The following PARVA variants were observed in gnomAD, a reference collection of about 807,000 sequenced individuals.
The protein encoded by PARVA is alpha-parvin.
In PARVA, 25 loss-of-function variants were observed where a neutral mutation model predicts 52.6. The observed-to-expected ratio is 0.48, with a 90% CI of 0.35 to 0.66. PARVA has a LOEUF of 0.66. Among genes scored for constraint, PARVA ranks in the 30% least tolerant of loss-of-function variants. The pLI is 0.01. For synonymous variants in PARVA, 185 were observed against 179.1 expected (o/e 1.03, Z -0.26); for missense variants, 373 against 450.9 (o/e 0.83, Z 1.56).
At chr11:12,522,273 G>A (rs919229927) in intron 12 of PARVA, among the ~76,000 whole-genome samples, 1 of 152,074 alleles carries the variant, frequency 6.6e-6, no homozygotes, top group Non-Finnish European at 1.5e-5. Context: ...AGAAGTCAGG[G>A]CAGGAACTTC....
intron 1 of PARVA, among the ~76,000 whole-genome samples, chr11:12,378,534 T>G (rs1411963385): frequency 6.6e-6 from 1 of 151,572 alleles, no homozygotes; most frequent in Non-Finnish European, 1.5e-5. Flanking sequence ...GTAAAAACCT[T>G]TGTTTTTTCC....
intron 1 of PARVA, chr11:12,452,630 C>T (rs1940638789): frequency 6.2e-6 from 1 of 160,004 alleles, no homozygotes; most frequent in Non-Finnish European, 1.4e-5. Flanking sequence ...CAGTAGCCCC[C>T]AGCATTTGAG....
intron 1 of PARVA, among the ~76,000 whole-genome samples, chr11:12,432,654 A>C (rs926179244): frequency 3.9e-5 from 6 of 152,242 alleles, no homozygotes; most frequent in African/African-American, 1.2e-4. Flanking sequence ...GGCCTGTGCA[A>C]GTTAAAGTAA....
chr11:12,466,725 T>C (rs2135029057), intron 1 of PARVA, among the ~76,000 whole-genome samples: 1 of 152,314 alleles, frequency 6.6e-6, no homozygotes, highest in South Asian at 2.1e-4. Flanking sequence ...CTGTTTTTTT[T>C]TTCTAGAAGT....
intron 1 of PARVA, among the ~76,000 whole-genome samples, chr11:12,435,976 CCA>C (rs1940382222): frequency 6.6e-6 from 1 of 152,092 alleles, no homozygotes; most frequent in South Asian, 2.1e-4. Context: ...GCGCGTACCA[CCA>C]CACACAGCTA....
At chr11:12,388,246 G>A (rs1939607224) in intron 1 of PARVA, among the ~76,000 whole-genome samples, 2 of 152,204 alleles carry the variant, frequency 1.3e-5, no homozygotes, top group Non-Finnish European at 2.9e-5. Context: ...TCAGGCCTGG[G>A]ACAAATGTTA....
At chr11:12,413,717 C>A (rs1940024894) in intron 1 of PARVA, among the ~76,000 whole-genome samples, 2 of 152,202 alleles carry the variant, frequency 1.3e-5, no homozygotes, top group South Asian at 4.1e-4. Flanking sequence ...AGGGAGCTGG[C>A]ACAGGCGGCT....
intron 1 of PARVA, among the ~76,000 whole-genome samples, chr11:12,442,118 A>G (rs1490178495): frequency 6.6e-6 from 1 of 152,270 alleles, no homozygotes; most frequent in Non-Finnish European, 1.5e-5. Context: ...GCAGGAAGCC[A>G]TCAGCTCTAC....
At chr11:12,436,526 C>G (rs1290925710) in intron 1 of PARVA, among the ~76,000 whole-genome samples, 1 of 152,004 alleles carries the variant, frequency 6.6e-6, no homozygotes, top group Non-Finnish European at 1.5e-5. Flanking sequence ...TTTTGGCTGC[C>G]TGTATAAAGT....
chr11:12,511,675 T>C (rs1238889537), intron 8 of PARVA, 142 bp downstream of exon 8: 27 of 835,484 alleles, frequency 3.2e-5, no homozygotes, highest in Non-Finnish European at 3.4e-5. Context: ...CCAATTGGGT[T>C]GGGAGGGACA....
chr11:12,386,596 AAC>A (rs776455320), intron 1 of PARVA, among the ~76,000 whole-genome samples: 4 of 152,184 alleles, frequency 2.6e-5, no homozygotes, highest in Non-Finnish European at 5.9e-5. Flanking sequence ...AATATCATCA[AAC>A]ACACAGTTAT....
chr11:12,506,599 T>C (rs1488638667), intron 6 of PARVA, among the ~76,000 whole-genome samples: 1 of 152,246 alleles, frequency 6.6e-6, no homozygotes, highest in Non-Finnish European at 1.5e-5. Context: ...TTGAGCTCAA[T>C]TATAGGCCAT....
chr11:12,383,892 C>T (rs770527996), intron 1 of PARVA, among the ~76,000 whole-genome samples: 4 of 152,202 alleles, frequency 2.6e-5, no homozygotes, highest in African/African-American at 4.8e-5. Context: ...TCAAGGGGCA[C>T]GCCTTGAACA....
intron 1 of PARVA, among the ~76,000 whole-genome samples, chr11:12,387,462 C>T (rs1939588719): frequency 6.6e-6 from 1 of 152,124 alleles, no homozygotes; most frequent in Non-Finnish European, 1.5e-5. Flanking sequence ...ATCTTATTCC[C>T]ATAGAGGGAG....
At chr11:12,465,727 C>T (rs1021046664) in intron 1 of PARVA, among the ~76,000 whole-genome samples, 1 of 152,170 alleles carries the variant, frequency 6.6e-6, no homozygotes, top group African/African-American at 2.4e-5. Flanking sequence ...TAATAATTTT[C>T]ATATAGATGT....
intron 1 of PARVA, among the ~76,000 whole-genome samples, chr11:12,395,631 A>G (rs1162642501): frequency 1.3e-5 from 2 of 152,196 alleles, no homozygotes; most frequent in Non-Finnish European, 1.5e-5. Flanking sequence ...TCCCAGCTGC[A>G]TGTTAATTAA....
chr11:12,436,810 A>G (rs1199792595), intron 1 of PARVA, among the ~76,000 whole-genome samples: 1 of 152,244 alleles, frequency 6.6e-6, no homozygotes, highest in Non-Finnish European at 1.5e-5. Context: ...CTATTTCAAA[A>G]GAAAAAATGA....
intron 4 of PARVA, among the ~76,000 whole-genome samples, chr11:12,494,619 A>G (rs1941273967): frequency 6.6e-6 from 1 of 152,110 alleles, no homozygotes. Flanking sequence ...GAGATCAAGG[A>G]GGCAAGATGT....
intron 4 of PARVA, among the ~76,000 whole-genome samples, chr11:12,495,871 T>C (rs556185874): frequency 1.1e-4 from 16 of 152,302 alleles, no homozygotes; most frequent in African/African-American, 3.8e-4. Context: ...TGATAACTCT[T>C]AGACCTTCCA....
Sources: gnomAD v4.1 joint callset for allele counts (sites outside exome capture counted in the v4.1 genomes callset) on GRCh38, gnomAD v4.1.1 for gene constraint, MANE v1.5 for transcripts, NCBI Gene and HGNC (gene_info 2026-07-23, HGNC 2026-07-21) for gene names.